Variants in HPCAL1 observed in about 807,000 individuals in gnomAD.
HPCAL1 encodes the protein hippocalcin like 1.
In HPCAL1, 8 loss-of-function variants were observed where a neutral mutation model predicts 17.1. That is an observed-to-expected ratio of 0.47 (90% CI 0.27 to 0.84). The LOEUF (loss-of-function observed/expected upper bound fraction) is 0.84. HPCAL1 is among the 40% of genes least tolerant of loss of function. HPCAL1 has a pLI of 0.13. For missense variants in HPCAL1, 165 were observed against 271.1 expected, an observed-to-expected ratio of 0.61 and a Z score of 2.75; for synonymous variants, 112 against 111.4, an observed-to-expected ratio of 1.01 and a Z score of -0.03.
chr2:10,339,954 G>T (rs1352852695), intron 1 of HPCAL1, among the ~76,000 whole-genome samples: 1 of 152,178 alleles, frequency 6.6e-6, no homozygotes, highest in Non-Finnish European at 1.5e-5. Context: ...GTATGTGAGG[G>T]GTATGGGGAG....
chr2:10,381,703 T>A (rs1469648121), intron 1 of HPCAL1, among the ~76,000 whole-genome samples: 1 of 152,176 alleles, frequency 6.6e-6, no homozygotes, highest in Non-Finnish European at 1.5e-5. Flanking sequence ...AACAAATGGC[T>A]GTCAGGGAAT....
At chr2:10,345,311 G>A (rs1427639130) in intron 1 of HPCAL1, among the ~76,000 whole-genome samples, 1 of 152,098 alleles carries the variant, frequency 6.6e-6, no homozygotes, top group Non-Finnish European at 1.5e-5. Flanking sequence ...TTTGCCACTT[G>A]CTAGCTGGGT....
At position 10,394,688 on chromosome 2, in the gene HPCAL1, C is replaced by G. The variant is rs563785370; in HGVS notation, c.-110-2147C>G. Among the ~76,000 whole-genome samples the G allele has an allele frequency of 3.2e-4, 49 of 152,196 alleles. No individual in the cohort carries two copies. Among genetic ancestry groups the G allele is most frequent in the African/African-American group, 1.1e-3 (45 of 41,510 alleles). On this transcript the variant is annotated intron_variant, in intron 1 of 4. Coordinates refer to ENST00000307845, the MANE Select transcript of HPCAL1 (RefSeq NM_002149.4). The surrounding 1 kb of genome is among the most constrained non-coding windows in gnomAD (Gnocchi z 5.0). ...CCTCAGTTGTAACAAATGGCCTGCTCTGGCAGGGGATGTGGATCGTGGGGA... is the reference window on the plus strand; with the variant it reads ...CCTCAGTTGTAACAAATGGCCTGCTGTGGCAGGGGATGTGGATCGTGGGGA...
intron 1 of HPCAL1, among the ~76,000 whole-genome samples, chr2:10,316,366 G>GC: frequency 6.6e-6 from 1 of 152,216 alleles, no homozygotes; most frequent in African/African-American, 2.4e-5. Context: ...CAGAGAATGG[G>GC]CCTGCTGGTC....
chr2:10,349,479 G>A (rs920122644), intron 1 of HPCAL1, among the ~76,000 whole-genome samples: 4 of 139,410 alleles, frequency 2.9e-5, no homozygotes, highest in African/African-American at 7.7e-5. Context: ...AGGCTGAGGC[G>A]GGTGGATCAT....
At chr2:10,326,726 G>A (rs10210323) in intron 1 of HPCAL1, among the ~76,000 whole-genome samples, 6,791 of 152,292 alleles carry the variant, frequency 0.045, 496 homozygotes, top group African/African-American at 0.15. Context: ...CCTCAGCAGC[G>A]TTCATGAGCA....
intron 1 of HPCAL1, among the ~76,000 whole-genome samples, chr2:10,381,823 C>T (rs1489391158): frequency 1.3e-5 from 2 of 152,284 alleles, no homozygotes; most frequent in South Asian, 2.1e-4. Flanking sequence ...CTGGTGGGAA[C>T]GCAAAACAGT....
intron 1 of HPCAL1, among the ~76,000 whole-genome samples, chr2:10,387,489 C>T (rs1394719799): frequency 6.6e-6 from 1 of 152,240 alleles, no homozygotes; most frequent in African/African-American, 2.4e-5. Flanking sequence ...TCTAGGTGGG[C>T]ACAGGGACAA....
At chr2:10,404,313 T>G (rs1263488888) in intron 2 of HPCAL1, among the ~76,000 whole-genome samples, 1 of 152,108 alleles carries the variant, frequency 6.6e-6, no homozygotes, top group Non-Finnish European at 1.5e-5. Flanking sequence ...CCCTTTTGCC[T>G]CCCAGCACAC....
intron 1 of HPCAL1, among the ~76,000 whole-genome samples, chr2:10,321,082 A>G (rs1012606287): frequency 2.0e-5 from 3 of 152,180 alleles, no homozygotes; most frequent in Non-Finnish European, 4.4e-5. Context: ...TTCAGGCTGT[A>G]CAGGAAGCAT....
chr2:10,384,043 A>ACC lies in HPCAL1; in HGVS notation c.-110-12791_-110-12790dup, dbSNP rs890331716. On this transcript the variant is annotated intron_variant, in intron 1 of 4. Coordinates refer to ENST00000307845, the MANE Select transcript of HPCAL1 (RefSeq NM_002149.4). This position sits in a 1 kb window ranked among gnomAD's most constrained non-coding sequence, Gnocchi z 4.4. ...CACACACACACCCACACACACACACACCTTTTGCTGGTGGCTCTGGATTGG... is the reference window on the plus strand; with the variant it reads ...CACACACACACCCACACACACACACACCCCTTTTGCTGGTGGCTCTGGATTGG... Among the ~76,000 whole-genome samples, 2 of 151,490 alleles carry ACC rather than the reference A, an allele frequency of 1.3e-5. No individual in the cohort carries two copies. Among genetic ancestry groups the ACC allele is most frequent in the South Asian group, 4.2e-4 (2 of 4,776 alleles).
intron 1 of HPCAL1, among the ~76,000 whole-genome samples, chr2:10,385,326 A>G (rs1572776371): frequency 1.3e-5 from 2 of 149,830 alleles, no homozygotes; most frequent in African/African-American, 5.0e-5. Context: ...AGTGCTTCCT[A>G]CTGGTGGCTT....
chr2:10,404,086 T>G (rs1669814921), intron 2 of HPCAL1, among the ~76,000 whole-genome samples: 2 of 152,204 alleles, frequency 1.3e-5, no homozygotes, highest in African/African-American at 4.8e-5. Context: ...TCATTACCCA[T>G]GAAGGTACAT....
chr2:10,386,244 C>T (rs1435928786), intron 1 of HPCAL1, among the ~76,000 whole-genome samples: 1 of 152,206 alleles, frequency 6.6e-6, no homozygotes, highest in Non-Finnish European at 1.5e-5. Context: ...CCCACCATGG[C>T]TCCCTGTTGC....
chr2:10,312,523 CCAT>C lies in HPCAL1; in HGVS notation c.-111+9355_-111+9357del, dbSNP rs376030421. On this transcript the variant is annotated intron_variant, in intron 1 of 4. Transcript: ENST00000307845. ...GTCACTATCATCACTGTCATTATCA[CCAT>C]CATCATCACCACCACCATCACCATC... Among the ~76,000 whole-genome samples the C allele has an allele frequency of 1.7e-4, 25 of 151,448 alleles. No homozygotes were observed. In the South Asian group the frequency reaches 2.3e-3, roughly 14 times the overall value.
At chr2:10,368,952 AG>A (rs1655284698) in intron 1 of HPCAL1, 1 of 152,194 alleles carries the variant, frequency 6.6e-6, no homozygotes, top group Non-Finnish European at 1.5e-5. Context: ...CCGAGTGGGG[AG>A]GGACCGCAGG....
chr2:10,374,812 TG>T (rs1667447273), intron 1 of HPCAL1, among the ~76,000 whole-genome samples: 1 of 152,224 alleles, frequency 6.6e-6, no homozygotes, highest in Admixed American at 6.5e-5. Context: ...TTATCCTTTT[TG>T]TTGATTGTTG....
chr2:10,346,225 T>C (rs948236693), intron 1 of HPCAL1, among the ~76,000 whole-genome samples: 1 of 151,962 alleles, frequency 6.6e-6, no homozygotes, highest in African/African-American at 2.4e-5. Flanking sequence ...GGGGAGAAAG[T>C]TGGGGAGCAG....
chr2:10,422,098 G>A (rs756130786), intron 3 of HPCAL1, among the ~76,000 whole-genome samples: 43 of 152,186 alleles, frequency 2.8e-4, no homozygotes, highest in Non-Finnish European at 4.3e-4. Context: ...TCCAAGCAGT[G>A]AGGAGCAGCC....
Sources: allele counts gnomAD v4.1 joint callset (sites outside exome capture counted in the v4.1 genomes callset), GRCh38; gene constraint gnomAD v4.1.1; non-coding constraint Gnocchi (gnomAD v3.1); transcripts MANE v1.5; gene names NCBI Gene and HGNC (gene_info 2026-07-23, HGNC 2026-07-21).